TGM5: variants seen among roughly 807,000 people sequenced by gnomAD.
TGM5 encodes transglutaminase 5.
Under a neutral mutation model 77.2 loss-of-function variants are expected in TGM5, and 69 were observed. The observed-to-expected ratio is 0.89, with a 90% confidence interval of 0.74 to 1.09. TGM5 has a LOEUF of 1.09. Ranked by LOEUF, TGM5 falls within the 50% of genes least tolerant of loss-of-function variation. The pLI, the probability that TGM5 is intolerant of heterozygous loss-of-function variation, is 0.00. For missense variants in TGM5, 842 were observed against 896.5 expected, an observed-to-expected ratio of 0.94 and a Z score of 0.78; for synonymous variants, 346 against 351.8, an observed-to-expected ratio of 0.98 and a Z score of 0.18.
chr15:43,266,805 C>T (rs367970173), intron 1 of TGM5, 35 bp downstream of exon 1: 1 of 1,614,056 alleles, frequency 6.2e-7, no homozygotes, highest in Admixed American at 1.7e-5. Context: ...TCCTTCTTAT[C>T]CCTGAACTCC....
chr15:43,235,819 T>G lies in TGM5; in HGVS notation c.1364A>C (p.Gln455Pro). The change falls in exon 10 of 13, where the codon CAG (glutamine) becomes CCG (proline). Residue 455 changes from glutamine to proline, a missense_variant. By Grantham distance (76) the Gln-to-Pro change is moderately conservative. This residue lies in a region of TGM5 where 815 missense variants were observed against 844.6 expected (regional missense o/e 0.96). Coordinates refer to ENST00000220420, the MANE Select transcript of TGM5 (RefSeq NM_201631.4). ...KYEEGSLQER[Q>P]VFLKALQKLK... ...CTTCTGCAGAGCCTTCAGAAACACC[T>G]GCCTCTCCTGGAGGGATCCTGAAGT... is the stretch of plus-strand genomic sequence containing the variant. 1 of 1,614,038 alleles carries G rather than the reference T, an allele frequency of 6.2e-7. No homozygotes were observed. Among genetic ancestry groups the G allele is most frequent in the Non-Finnish European group, 8.5e-7 (1 of 1,180,024 alleles).
In TGM5 at chr15:43,261,000, T is replaced by C. The variant is rs927131826; in HGVS notation, c.11-421A>G. Among the ~76,000 whole-genome samples the C allele has an allele frequency of 2.6e-5, 4 of 151,268 alleles. No individual in the cohort carries two copies. The South Asian group carries it at 8.4e-4, about 32-fold the overall frequency. On this transcript the variant is annotated intron_variant, in intron 1 of 12. Coordinates refer to ENST00000220420, the MANE Select transcript of TGM5 (RefSeq NM_201631.4). ...TTGCGCCTGTACTAGCCTCCAGGTCTGGGGAGCTGCTCCCTGGTTTAGTTG... is the reference window on the plus strand; with the variant it reads ...TTGCGCCTGTACTAGCCTCCAGGTCCGGGGAGCTGCTCCCTGGTTTAGTTG...
Position 43,256,570 on chromosome 15 carries a change from G to T in TGM5, c.553C>A (p.Gln185Lys). ...CCATAAGCAGGGCTGAGACTCACCT[G>T]TCCATAGTTCCAGGGACATGGGCGG... ...WIRPCPWNYG[Q>K]FEDKIIDICL... The change falls in exon 4 of 13, where the codon CAG (glutamine) becomes AAG (lysine). Residue 185 changes from glutamine (Q) to lysine (K), a missense_variant and splice_region_variant. Gln to Lys is a moderately conservative substitution (Grantham distance 53, BLOSUM62 1). This residue lies in a region of TGM5 where 815 missense variants were observed against 844.6 expected (regional missense o/e 0.96). Coordinates refer to ENST00000220420, the MANE Select transcript of TGM5 (RefSeq NM_201631.4). 3 of 1,613,246 alleles carry T rather than the reference G, an allele frequency of 1.9e-6. No homozygotes were observed. In the South Asian group the frequency reaches 3.3e-5, roughly 18 times the overall value.
intron 9 of TGM5, among the ~76,000 whole-genome samples, chr15:43,237,112 C>T (rs2042596061): frequency 6.6e-6 from 1 of 152,122 alleles, no homozygotes; most frequent in Non-Finnish European, 1.5e-5. Context: ...AAGCAGGACA[C>T]TCAGGTCCAC....
intron 6 of TGM5, 117 bp from the exon 7 acceptor site, chr15:43,241,107 T>C: frequency 7.7e-7 from 1 of 1,301,130 alleles, no homozygotes; most frequent in South Asian, 1.2e-5. Context: ...AGGAACATGC[T>C]GGAGCTGTCT....
intron 5 of TGM5, 140 bp downstream of exon 5, chr15:43,253,366 C>T: frequency 8.2e-7 from 1 of 1,216,256 alleles, no homozygotes; most frequent in Non-Finnish European, 1.2e-6. Flanking sequence ...GAAAACTTGT[C>T]ACCCACATTC....
At chr15:43,248,627 G>C (rs893962841) in intron 6 of TGM5, among the ~76,000 whole-genome samples, 1 of 152,154 alleles carries the variant, frequency 6.6e-6, no homozygotes, top group Non-Finnish European at 1.5e-5. Context: ...ACAACCTTAC[G>C]AGGGAACATT....
intron 6 of TGM5, among the ~76,000 whole-genome samples, chr15:43,244,146 C>A (rs2042656333): frequency 6.6e-6 from 1 of 152,224 alleles, no homozygotes; most frequent in African/African-American, 2.4e-5. Flanking sequence ...CCTTCTCATG[C>A]TCTCACATAA....
intron 7 of TGM5, 193 bp from the exon 8 acceptor site, chr15:43,239,459 A>G: frequency 4.7e-6 from 3 of 641,142 alleles, no homozygotes; most frequent in Admixed American, 4.5e-5. Flanking sequence ...AGGTGAGAGG[A>G]TTGCTTGAGC....
rs1204214870 is a variant in TGM5 at position 43,233,606 on chromosome 15, A to T, written c.1957T>A (p.Cys653Ser). 1 of 1,614,232 alleles carries T rather than the reference A, an allele frequency of 6.2e-7. No individual in the cohort carries two copies. The highest frequency in any genetic ancestry group is 1.7e-5 in the Admixed American group (1 of 60,026). Residue 653 changes from cysteine to serine, a missense_variant, in exon 12 of 13, where the codon TGT becomes AGT. Transcript: ENST00000220420. The part of the protein sequence containing the change: ...SNPLSEQVED[C>S]VLTVEGSGLF... ...CCACTTCCTTCCACAGTCAGCACAC[A>T]GTCCTCAACCTGCTCCGAGAGGGGG... is the stretch of plus-strand genomic sequence containing the variant.
At chr15:43,240,315 T>C (rs1481478035) in intron 7 of TGM5, among the ~76,000 whole-genome samples, 1 of 152,192 alleles carries the variant, frequency 6.6e-6, no homozygotes, top group African/African-American at 2.4e-5. Context: ...ACTCAGTCTA[T>C]TACCATTAGG....
At chr15:43,252,405 C>G (rs1221417394) in intron 6 of TGM5, among the ~76,000 whole-genome samples, 2 of 152,082 alleles carry the variant, frequency 1.3e-5, no homozygotes, top group Non-Finnish European at 2.9e-5. Context: ...CAACCTCTGC[C>G]CCCCCGGGTT....
chr15:43,257,613 C>T (rs958197887), intron 3 of TGM5, among the ~76,000 whole-genome samples: 3 of 152,142 alleles, frequency 2.0e-5, no homozygotes, highest in African/African-American at 7.2e-5. Flanking sequence ...CATACCAACA[C>T]TTTTACACTG....
chr15:43,233,865 A>C (rs2042567146), intron 11 of TGM5, among the ~76,000 whole-genome samples, 178 bp from the exon 12 acceptor site: 1 of 152,228 alleles, frequency 6.6e-6, no homozygotes, highest in African/African-American at 2.4e-5. Flanking sequence ...AAAGCTCTCT[A>C]GTTTCCCTTT....
At chr15:43,240,289 A>G (rs1261106491) in intron 7 of TGM5, among the ~76,000 whole-genome samples, 1 of 152,162 alleles carries the variant, frequency 6.6e-6, no homozygotes, top group Non-Finnish European at 1.5e-5. Flanking sequence ...GTAGACAAAC[A>G]GGGCTGGGTT....
chr15:43,253,572 A>C lies in TGM5; in HGVS notation c.618T>G (p.Thr206=). 6.2e-7 allele frequency: 1 copy of C among 1,613,924 alleles called. No individual in the cohort carries two copies. Among genetic ancestry groups the C allele is most frequent in the Non-Finnish European group, 8.5e-7 (1 of 1,180,044 alleles). Residue 206 remains threonine (T), a synonymous_variant, in exon 5 of 13, where the codon ACT becomes ACG. Coordinates refer to ENST00000220420, the MANE Select transcript of TGM5 (RefSeq NM_201631.4). The stretch of plus-strand genomic sequence containing the variant: ...GCAGAGCACAGTCTGTGGCTGGGTC[A>C]GTCTGGAAGTGCAGGCTCTTGTCTA... ...KLLDKSLHFQ[T]DPATDCALRG... is the part of the protein sequence containing the mutation.
rs759094573 is a variant in TGM5, at chr15:43,239,254, G to A, written c.1014C>T (p.Val338=). 3.7e-5 allele frequency: 60 copies of A among 1,614,060 alleles called. No individual in the cohort carries two copies. The highest frequency in any genetic ancestry group is 5.0e-5 in the Admixed American group (3 of 60,008). The change falls in exon 8 of 13, where the codon GTC becomes GTT. Residue 338 remains valine, a synonymous_variant. Transcript: ENST00000220420. ...KKKDTIWNFH[V]WNECWMARKD... ...TCCGGGCCATCCAGCACTCATTCCA[G>A]ACATGGAAGTTCCTGTGTCAAACAG...
chr15:43,261,030 G>A (rs796365780), intron 1 of TGM5, among the ~76,000 whole-genome samples: 4 of 147,880 alleles, frequency 2.7e-5, no homozygotes, highest in African/African-American at 1.0e-4. Context: ...TAGTTGCCCT[G>A]GGTTTAACTC....
In TGM5 at chr15:43,235,497, T is replaced by C; in HGVS notation, c.1686A>G (p.Thr562=). 1 of 1,614,088 alleles carries C rather than the reference T, an allele frequency of 6.2e-7. No individual in the cohort carries two copies. The highest frequency in any genetic ancestry group is 8.5e-7 in the Non-Finnish European group (1 of 1,180,008). Residue 562 remains threonine, a synonymous_variant, in exon 10 of 13, where the codon ACA becomes ACG. Transcript: ENST00000220420. The part of the protein sequence containing the change: ...GSPLSPFWQD[T]AFITLSPKEA... ...CTTTAGGAGAGAGTGTGATGAACGC[T>C]GTGTCCTGCCAGAATGGGGACAGGG...
Sources: gnomAD v4.1 joint callset for allele counts (sites outside exome capture counted in the v4.1 genomes callset) on GRCh38, gnomAD v4.1.1 for gene constraint, gnomAD v4.1.1 regional missense constraint, MANE v1.5 for transcripts, NCBI Gene and HGNC (gene_info 2026-07-23, HGNC 2026-07-21) for gene names.